The following ERBB4 variants were observed in gnomAD, a reference collection of about 807,000 sequenced individuals.
ERBB4 encodes the protein erb-b2 receptor tyrosine kinase 4.
In ERBB4, 42 loss-of-function variants were observed where a neutral mutation model predicts 158.0. That is an observed-to-expected ratio of 0.27 (90% confidence interval 0.21 to 0.34). ERBB4 has a LOEUF of 0.34. ERBB4 is among the 10% of genes least tolerant of loss of function. ERBB4 has a pLI of 1.00. For missense variants in ERBB4, 1,333 were observed against 1,624.1 expected, an observed-to-expected ratio of 0.82 and a Z score of 3.08; for synonymous variants, 583 against 558.7, an observed-to-expected ratio of 1.04 and a Z score of -0.61.
chr2:211,548,495 C>G (rs2066999680), intron 20 of ERBB4, among the ~76,000 whole-genome samples: 1 of 152,144 alleles, frequency 6.6e-6, no homozygotes, highest in South Asian at 2.1e-4. Flanking sequence ...ATATTTTAGA[C>G]CAACTCTCCA....
chr2:211,596,733 A>T (rs2068642910), intron 19 of ERBB4, among the ~76,000 whole-genome samples: 1 of 151,708 alleles, frequency 6.6e-6, no homozygotes, highest in South Asian at 2.1e-4. Flanking sequence ...CATGTGTAAC[A>T]ACTAAAGAAT....
chr2:212,139,920 T>C (rs1233221857), intron 1 of ERBB4, among the ~76,000 whole-genome samples: 2 of 151,576 alleles, frequency 1.3e-5, no homozygotes, highest in African/African-American at 4.9e-5. Context: ...ATAAATTATA[T>C]AAATAAGTAT....
At chr2:212,360,791 T>C (rs2106361480) in intron 1 of ERBB4, among the ~76,000 whole-genome samples, 1 of 151,840 alleles carries the variant, frequency 6.6e-6, no homozygotes, top group South Asian at 2.1e-4. Context: ...ATCATCTAAA[T>C]TCTTCACTTT....
chr2:211,900,217 T>A (rs2079198213), intron 3 of ERBB4, among the ~76,000 whole-genome samples: 1 of 152,140 alleles, frequency 6.6e-6, no homozygotes, highest in Non-Finnish European at 1.5e-5. Context: ...ATTAAGCGGC[T>A]CTTGCATTCT....
At position 211,872,053 on chromosome 2, in the gene ERBB4, T is replaced by C. The variant is rs2078359011; in HGVS notation, c.421+75377A>G. On this transcript the variant is annotated intron_variant, in intron 3 of 27. Coordinates refer to ENST00000342788, the MANE Select transcript of ERBB4 (RefSeq NM_005235.3). ...ATGCTTTATGAAGTCAGACATACAT[T>C]TCAATAATTGCTTTTAATGATTATT... 2.0e-5 allele frequency among the ~76,000 whole-genome samples: 3 copies of C among 150,078 alleles called. No homozygotes were observed. The South Asian group carries it at 6.4e-4, about 32-fold the overall frequency.
rs35545246 is a variant in ERBB4 at position 212,129,734 on chromosome 2, CA to C, written c.83-4832del. On this transcript the variant is annotated intron_variant, in intron 1 of 27. Transcript: ENST00000342788. The stretch of plus-strand genomic sequence containing the variant: ...AAGTATGTTTAGAAATATTTTTTGA[CA>C]AAAAAAGATCCTCCAAAAAACAAAA... Among the ~76,000 whole-genome samples the C allele has an allele frequency of 5.3e-5, 8 of 151,524 alleles. No individual in the cohort carries two copies. The East Asian group carries it at 9.7e-4, about 18-fold the overall frequency.
At chr2:211,902,483 A>T (rs978092375) in intron 3 of ERBB4, among the ~76,000 whole-genome samples, 2 of 152,022 alleles carry the variant, frequency 1.3e-5, no homozygotes, top group Admixed American at 1.3e-4. Context: ...TAGTGAAGTG[A>T]TAAAAAATAA....
At chr2:211,936,441 T>G (rs2080323935) in intron 3 of ERBB4, among the ~76,000 whole-genome samples, 1 of 152,106 alleles carries the variant, frequency 6.6e-6, no homozygotes, top group Non-Finnish European at 1.5e-5. Flanking sequence ...ACTTTTTTCT[T>G]ATAAATATTC....
At chr2:212,310,040 T>A (rs1171946615) in intron 1 of ERBB4, among the ~76,000 whole-genome samples, 2 of 150,588 alleles carry the variant, frequency 1.3e-5, no homozygotes, top group East Asian at 3.9e-4. Context: ...TCTATAGAAA[T>A]AGATGCATTT....
intron 2 of ERBB4, among the ~76,000 whole-genome samples, chr2:212,013,453 C>T (rs899164062): frequency 2.0e-5 from 3 of 152,062 alleles, no homozygotes; most frequent in African/African-American, 7.2e-5. Flanking sequence ...GATAGCATTC[C>T]CTCAAAGTTC....
chr2:212,134,676 C>CTTTTTTTTT (rs869141215), intron 1 of ERBB4, among the ~76,000 whole-genome samples: 1 of 69,058 alleles, frequency 1.4e-5, no homozygotes, highest in Non-Finnish European at 2.5e-5. Flanking sequence ...TAAACACTTT[C>CTTTTTTTTT]TTTTTTTTTT....
At chr2:211,591,933 G>T (rs6747621) in intron 19 of ERBB4, among the ~76,000 whole-genome samples, 3,109 of 152,252 alleles carry the variant, frequency 0.02, 94 homozygotes, top group African/African-American at 0.07. Context: ...GTACCTGAGC[G>T]AGTTAGAGAA....
At chr2:211,455,169 A>G (rs1032759422) in intron 20 of ERBB4, among the ~76,000 whole-genome samples, 2 of 152,252 alleles carry the variant, frequency 1.3e-5, no homozygotes, top group Admixed American at 6.5e-5. Context: ...ATCTATTTCA[A>G]TAGAAAATGC....
chr2:212,307,471 A>T (rs1184325038), intron 1 of ERBB4, among the ~76,000 whole-genome samples: 2 of 151,294 alleles, frequency 1.3e-5, no homozygotes, highest in Admixed American at 6.6e-5. Flanking sequence ...TATAAAAAGT[A>T]TGCAGAAATA....
rs1271292703 is a variant in ERBB4, at chr2:211,376,812, T to C, written c.*6803A>G. The C allele has an allele frequency of 1.3e-5, 3 of 233,016 alleles. No homozygotes were observed. The allele number at this position is 233,016 out of a possible 1,614,324, so 14.4% of individuals were successfully genotyped here. A position where few individuals can be genotyped will look rare whatever the true frequency, so the allele number is the denominator to read the frequency against. On this transcript the variant is annotated 3_prime_UTR_variant, in exon 28 of 28. Transcript: ENST00000342788. ...AATGGTGCTCAAGAAAGAGATGAAC[T>C]AGTCATACACCATGGGAAAATGCGG...
At chr2:212,381,762 A>C (rs1054847788) in intron 1 of ERBB4, among the ~76,000 whole-genome samples, 9 of 151,404 alleles carry the variant, frequency 5.9e-5, no homozygotes, top group Admixed American at 1.3e-4. Context: ...TCATAAATGC[A>C]TTATATACCC....
intron 4 of ERBB4, among the ~76,000 whole-genome samples, chr2:211,785,490 G>C (rs900405244): frequency 4.6e-5 from 7 of 152,070 alleles, no homozygotes; most frequent in Non-Finnish European, 1.0e-4. Flanking sequence ...CGAATTTATT[G>C]CTCAACCTAG....
At chr2:211,668,125 T>C (rs1195395405) in intron 14 of ERBB4, among the ~76,000 whole-genome samples, 1 of 152,152 alleles carries the variant, frequency 6.6e-6, no homozygotes, top group Non-Finnish European at 1.5e-5. Context: ...AATACAATAA[T>C]AAGCATGTGT....
intron 2 of ERBB4, among the ~76,000 whole-genome samples, chr2:212,104,601 C>T (rs962877846): frequency 6.6e-6 from 1 of 151,970 alleles, no homozygotes; most frequent in Non-Finnish European, 1.5e-5. Flanking sequence ...AGAAACTGAG[C>T]CACATAGGAG....
Sources: gnomAD v4.1 joint callset for allele counts (sites outside exome capture counted in the v4.1 genomes callset) on GRCh38, gnomAD v4.1.1 for gene constraint, MANE v1.5 for transcripts, NCBI Gene and HGNC (gene_info 2026-07-23, HGNC 2026-07-21) for gene names.